ZNF662: variants seen among roughly 807,000 people sequenced by gnomAD.
ZNF662 encodes zinc finger protein 662.
ZNF662 carries 14 observed loss-of-function variants against 12.4 expected under a neutral mutation model. That is an observed-to-expected ratio of 1.13 (90% CI 0.75 to 1.77). ZNF662 has a LOEUF of 1.77. Ranked by LOEUF, ZNF662 falls within the 40% of genes most tolerant of loss-of-function variation. ZNF662 has a pLI of 0.00. For synonymous variants in ZNF662, 184 were observed against 176.4 expected, an observed-to-expected ratio of 1.04 and a Z score of -0.34; for missense variants, 550 against 515.6, an observed-to-expected ratio of 1.07 and a Z score of -0.65.
In ZNF662 at chr3:42,915,155, A is replaced by C. The variant is rs2088884248; in HGVS notation, c.1082A>C (p.Glu361Ala). 6 of 1,614,070 alleles carry C rather than the reference A, an allele frequency of 3.7e-6. No homozygotes were observed. ...GTCCACACTGGGGACAAGCCTCATG[A>C]ATGTACTGACTGTGGGAAAAGCTTC... ...QRVHTGDKPHECTDCGKSFFC... is the reference protein window; with the variant it reads ...QRVHTGDKPHACTDCGKSFFC... The change falls in exon 5 of 5, where the codon GAA becomes GCA. Residue 361 changes from glutamate to alanine, a missense_variant. Coordinates refer to ENST00000440367, the MANE Select transcript of ZNF662 (RefSeq NM_207404.4).
At chr3:42,909,097 T>C (rs1559380159) in intron 3 of ZNF662, among the ~76,000 whole-genome samples, 188 bp downstream of exon 3, 1 of 152,292 alleles carries the variant, frequency 6.6e-6, no homozygotes, top group African/African-American at 2.4e-5. Context: ...TGATTATTCT[T>C]GGGTGTTTCT....
rs1037218709 is a variant in ZNF662, at chr3:42,916,717, G to A, written c.*1363G>A. 2 of 152,040 alleles carry A rather than the reference G, an allele frequency of 1.3e-5. No individual in the cohort carries two copies. The highest frequency in any genetic ancestry group is 4.8e-5 in the African/African-American group (2 of 41,390). The allele number at this position is 152,040 out of a possible 1,614,324, so 9.4% of individuals were successfully genotyped here. On this transcript the variant is annotated 3_prime_UTR_variant, in exon 5 of 5. Transcript: ENST00000440367. ...TTTGTTTTATGAGATATCATTCTGG[G>A]ATTGGGAATATGTAAACTCAACTGG... is the stretch of plus-strand genomic sequence containing the variant.
rs1248461891 is a variant in ZNF662 at position 42,915,780 on chromosome 3, T to G, written c.*426T>G. The G allele has an allele frequency of 1.2e-5, 2 of 160,796 alleles. No homozygotes were observed. The highest frequency in any genetic ancestry group is 3.7e-4 in the East Asian group (2 of 5,442). 10.0% of individuals were successfully genotyped at this position (160,796 alleles called of 1,614,324 possible). On this transcript the variant is annotated 3_prime_UTR_variant, in exon 5 of 5. Coordinates refer to ENST00000440367, the MANE Select transcript of ZNF662 (RefSeq NM_207404.4). ...TTCTTTACTTAATTGTACATATTTATGTCTCTGCCCATTTTTATTTGCTTA... is the reference window on the plus strand; with the variant it reads ...TTCTTTACTTAATTGTACATATTTAGGTCTCTGCCCATTTTTATTTGCTTA...
At position 42,914,439 on chromosome 3, in the gene ZNF662, A is replaced by G; in HGVS notation, c.366A>G (p.Glu122=). 1.2e-6 allele frequency: 2 copies of G among 1,613,448 alleles called. No homozygotes were observed. The highest frequency in any genetic ancestry group is 1.3e-5 in the African/African-American group (1 of 74,818). ...GACCCCAGTGGTGTGGATCCCAGGA[A>G]TTATGGTTTGGGAAAACCTGTGAAG... ...SSGPQWCGSQ[E]LWFGKTCEEK... The change falls in exon 5 of 5, where the codon GAA becomes GAG. Residue 122 remains glutamate, a synonymous_variant. Coordinates refer to ENST00000440367, the MANE Select transcript of ZNF662 (RefSeq NM_207404.4).
rs1235018770 is a variant in ZNF662 at position 42,915,315 on chromosome 3, A to C, written c.1242A>C (p.Lys414Asn). ...IKHQRRHARD[K>N]PYNCQISHLL... ...ACCAGAGGCGCCATGCTAGAGACAA[A>C]CCCTATAACTGTCAGATCTCTCACC... Residue 414 changes from lysine (K) to asparagine (N), a missense_variant, in exon 5 of 5, where the codon AAA (lysine) becomes AAC (asparagine). Lys to Asn is a moderately conservative substitution (Grantham distance 94). Transcript: ENST00000440367. The C allele has an allele frequency of 1.9e-6, 3 of 1,596,206 alleles. No homozygotes were observed. The Admixed American group carries it at 5.3e-5, about 28-fold the overall frequency.
At chr3:42,909,370 A>T (rs1224791670) in intron 3 of ZNF662, among the ~76,000 whole-genome samples, 2 of 152,182 alleles carry the variant, frequency 1.3e-5, no homozygotes, top group South Asian at 2.1e-4. Flanking sequence ...TTCAGAGAGC[A>T]CGGGGTTGGG....
At position 42,914,455 on chromosome 3, in the gene ZNF662, A is replaced by C; in HGVS notation, c.382A>C (p.Thr128Pro). 1 of 1,613,806 alleles carries C rather than the reference A, an allele frequency of 6.2e-7. No homozygotes were observed. Among genetic ancestry groups the C allele is most frequent in the South Asian group, 1.1e-5 (1 of 91,052 alleles). The part of the protein sequence containing the change: ...CGSQELWFGK[T>P]CEEKSRLGRW... ...ATCCCAGGAATTATGGTTTGGGAAA[A>C]CCTGTGAAGAGAAAAGCAGGTTAGG... is the stretch of plus-strand genomic sequence containing the variant. Residue 128 changes from threonine (T) to proline (P), a missense_variant, in exon 5 of 5, where the codon ACC becomes CCC. By Grantham distance (38) the Thr-to-Pro change is conservative. Transcript: ENST00000440367.
chr3:42,912,290 T>C (rs1238343598), intron 3 of ZNF662, among the ~76,000 whole-genome samples: 2 of 122,220 alleles, frequency 1.6e-5, no homozygotes, highest in Admixed American at 1.0e-4. Flanking sequence ...TAAATATAAT[T>C]ATATATAAAA....
chr3:42,907,571 A>G, intron 1 of ZNF662: 1 of 597,604 alleles, frequency 1.7e-6, no homozygotes, highest in Non-Finnish European at 2.1e-6. Flanking sequence ...TCCGAGTCTC[A>G]GTTTCCTCTT....
chr3:42,914,751 G>A lies in ZNF662; in HGVS notation c.678G>A (p.Gly226=). Residue 226 remains glycine (G), a synonymous_variant, in exon 5 of 5, where the codon GGG becomes GGA. Transcript: ENST00000440367. The part of the protein sequence containing the change: ...GEKVYGCKEC[G]KAFSFRSHCI... ...AGGTCTATGGATGTAAGGAATGTGG[G>A]AAGGCTTTCAGTTTTCGATCACATT... The A allele has an allele frequency of 6.2e-7, 1 of 1,614,148 alleles. No homozygotes were observed.
intron 3 of ZNF662, among the ~76,000 whole-genome samples, chr3:42,909,855 C>G (rs536954855): frequency 1.3e-5 from 2 of 151,822 alleles, no homozygotes; most frequent in Admixed American, 1.3e-4. Flanking sequence ...CAGAGGCGCT[C>G]TTCACATCTC....
Position 42,906,185 on chromosome 3 carries a change from GT to G in ZNF662, c.-94+18del, listed in dbSNP as rs2088675413. 1 of 593,476 alleles carries G rather than the reference GT, an allele frequency of 1.7e-6. No homozygotes were observed. 36.8% of individuals were successfully genotyped at this position (593,476 alleles called of 1,614,324 possible). On this transcript the variant is annotated intron_variant, in intron 1 of 4. Coordinates refer to ENST00000440367, the MANE Select transcript of ZNF662 (RefSeq NM_207404.4). This position sits in a 1 kb window ranked among gnomAD's most constrained non-coding sequence, Gnocchi z 4.4. ...GCCTGGCGGGTGTGGAGCACGGGGA[GT>G]CGGGCGTGGGGCGGGCAGGGAGTGG...
chr3:42,912,557 TATATATATAAATAC>T (rs1274338013), intron 3 of ZNF662, among the ~76,000 whole-genome samples: 1 of 7,758 alleles, frequency 1.3e-4, no homozygotes, highest in African/African-American at 2.0e-4. Flanking sequence ...TTAATATAAA[TATATATATAAATAC>T]ATATTTTATA....
Position 42,915,448 on chromosome 3 carries a change from T to A in ZNF662, c.*94T>A. The A allele has an allele frequency of 8.6e-7, 1 of 1,162,306 alleles. No homozygotes were observed. The highest frequency in any genetic ancestry group is 1.2e-6 in the Non-Finnish European group (1 of 825,892). 72.0% of individuals were successfully genotyped at this position (1,162,306 alleles called of 1,614,324 possible). On this transcript the variant is annotated 3_prime_UTR_variant, in exon 5 of 5. Transcript: ENST00000440367. ...ACCATTCACAATTTGCTGTAACCCT[T>A]AACTTAAATAGCCAGTATTATCTTG...
rs367621155 is a variant in ZNF662 at position 42,913,322 on chromosome 3, G to A, written c.253+20G>A. 17 of 1,555,342 alleles carry A rather than the reference G, an allele frequency of 1.1e-5. No homozygotes were observed. The South Asian group carries it at 1.7e-4, about 15-fold the overall frequency. On this transcript the variant is annotated intron_variant, in intron 4 of 4. Coordinates refer to ENST00000440367, the MANE Select transcript of ZNF662 (RefSeq NM_207404.4). The stretch of plus-strand genomic sequence containing the variant: ...GTCCGGGTAAGTGAGAGGGAAATGA[G>A]CATTCTTCTCTCAGTCACATCTTTT...
chr3:42,908,206 T>C, intron 2 of ZNF662, 58 bp downstream of exon 2: 1 of 1,563,622 alleles, frequency 6.4e-7, no homozygotes, highest in Non-Finnish European at 8.7e-7. Flanking sequence ...TGGCTCCTTT[T>C]TTCTCAAAGG....
In ZNF662 at chr3:42,913,193, C is replaced by T. The variant is rs113274894; in HGVS notation, c.152-8C>T. On this transcript the variant is annotated splice_region_variant and splice_polypyrimidine_tract_variant and intron_variant, in intron 3 of 4. Transcript: ENST00000440367. ...GAGTCAGCCTTATTTGTATCTTGAC[C>T]CTGGCAGGATATCCATTTCTAAAGC... 178 of 1,609,628 alleles carry T rather than the reference C, an allele frequency of 1.1e-4. 1 individual carries two copies. The African/African-American group carries it at 1.9e-3, about 18-fold the overall frequency.
In ZNF662 at chr3:42,914,408, C is replaced by A; in HGVS notation, c.335C>A (p.Ser112Ter). 6.2e-7 allele frequency: 1 copy of A among 1,613,712 alleles called. No individual in the cohort carries two copies. Among genetic ancestry groups the A allele is most frequent in the Non-Finnish European group, 8.5e-7 (1 of 1,179,772 alleles). ...IEEAQDLMVL[S>*]SGPQWCGSQE... is the part of the protein sequence containing the mutation. ...GAAGCACAGGACCTCATGGTCCTAT[C>A]AAGTGGACCCCAGTGGTGTGGATCC... The change falls in exon 5 of 5, where the codon TCA (serine) becomes TAA (stop). Residue 112 changes from serine to a stop codon, truncating the protein, a stop_gained. Transcript: ENST00000440367. LOFTEE classifies it low-confidence loss of function (END_TRUNC).
rs781432572 is a variant in ZNF662, at chr3:42,915,017, G to T, written c.944G>T (p.Arg315Leu). ...TCKECGKSFT[R>L]NPALLRHQRM... ...AAGGAATGTGGGAAAAGCTTTACTC[G>T]AAACCCAGCCCTTCTTCGACATCAG... The change falls in exon 5 of 5, where the codon CGA (arginine) becomes CTA (leucine). Residue 315 changes from arginine to leucine, a missense_variant. Physicochemically the swap from Arg to Leu is moderately radical, Grantham distance 102. Transcript: ENST00000440367. The T allele has an allele frequency of 6.2e-7, 1 of 1,613,900 alleles. No homozygotes were observed.
Sources: allele counts gnomAD v4.1 joint callset (sites outside exome capture counted in the v4.1 genomes callset), GRCh38; gene constraint gnomAD v4.1.1; non-coding constraint Gnocchi (gnomAD v3.1); transcripts MANE v1.5; gene names NCBI Gene and HGNC (gene_info 2026-07-23, HGNC 2026-07-21).